Variants in GSAP observed in about 807,000 individuals in gnomAD.
GSAP encodes gamma-secretase activating protein.
A neutral mutation model predicts 131.7 loss-of-function variants in GSAP; 118 were observed. The ratio of observed to expected loss-of-function variants is 0.90; its 90% CI spans 0.77 to 1.04. The LOEUF (loss-of-function observed/expected upper bound fraction) is 1.04. GSAP is among the 50% of genes least tolerant of loss of function. The probability of loss-of-function intolerance (pLI) is 0.00; values close to 1 mark genes in which losing one functional copy is unlikely to be tolerated. For synonymous variants in GSAP, 381 were observed against 363.4 expected, an observed-to-expected ratio of 1.05 and a Z score of -0.55; for missense variants, 1,019 against 1,013.2, an observed-to-expected ratio of 1.01 and a Z score of -0.08.
At chr7:77,394,131 T>C (rs958040189) in intron 5 of GSAP, among the ~76,000 whole-genome samples, 6 of 152,232 alleles carry the variant, frequency 3.9e-5, no homozygotes, top group African/African-American at 1.4e-4. Context: ...AATCCTTTTA[T>C]GAAGCAAGTT....
At chr7:77,412,792 A>T (rs1372420555) in intron 1 of GSAP, among the ~76,000 whole-genome samples, 1 of 152,168 alleles carries the variant, frequency 6.6e-6, no homozygotes, top group Non-Finnish European at 1.5e-5. Flanking sequence ...AAAAAAAAAA[A>T]AAATTAAATT....
intron 16 of GSAP, among the ~76,000 whole-genome samples, chr7:77,354,495 T>C (rs1412012281): frequency 1.3e-5 from 2 of 152,126 alleles, no homozygotes; most frequent in African/African-American, 4.8e-5. Flanking sequence ...AATTACTATA[T>C]CCTTAGAAAT....
chr7:77,360,705 T>C (rs983239059), intron 14 of GSAP, 119 bp downstream of exon 14: 17 of 613,350 alleles, frequency 2.8e-5, no homozygotes, highest in Non-Finnish European at 4.8e-5. Flanking sequence ...GGGTCATTGA[T>C]TGTCATCACA....
At chr7:77,408,971 T>C (rs936029508) in intron 1 of GSAP, among the ~76,000 whole-genome samples, 2 of 152,126 alleles carry the variant, frequency 1.3e-5, no homozygotes, top group African/African-American at 4.8e-5. Flanking sequence ...CACTGAGAAC[T>C]TAGACATCAT....
At chr7:77,395,155 A>G (rs1381585041) in intron 5 of GSAP, among the ~76,000 whole-genome samples, 1 of 149,750 alleles carries the variant, frequency 6.7e-6, no homozygotes, top group Non-Finnish European at 1.5e-5. Context: ...ACAGTCAGGC[A>G]TAGATGGTGA....
At chr7:77,324,394 C>T (rs1788049215) in intron 23 of GSAP, among the ~76,000 whole-genome samples, 1 of 152,168 alleles carries the variant, frequency 6.6e-6, no homozygotes, top group Non-Finnish European at 1.5e-5. Context: ...TTTCTCTCTC[C>T]TCCTCCCTCC....
At chr7:77,402,765 G>A (rs920933619) in intron 3 of GSAP, among the ~76,000 whole-genome samples, 10 of 150,370 alleles carry the variant, frequency 6.7e-5, no homozygotes, top group Admixed American at 2.0e-4. Context: ...TTTGTTTAGC[G>A]ACTACGGTTC....
At chr7:77,362,704 T>C in intron 12 of GSAP, 44 bp from the exon 13 acceptor site, 1 of 1,137,832 alleles carries the variant, frequency 8.8e-7, no homozygotes, top group South Asian at 1.3e-5. Flanking sequence ...AGAATCTATG[T>C]CATAAATAAA....
chr7:77,415,076 A>G (rs1308499808), intron 1 of GSAP, among the ~76,000 whole-genome samples: 4 of 152,076 alleles, frequency 2.6e-5, no homozygotes, highest in Non-Finnish European at 5.9e-5. Flanking sequence ...AAAAAAAGTA[A>G]AGCCTTACTA....
chr7:77,390,055 T>C (rs868810762), intron 5 of GSAP, among the ~76,000 whole-genome samples: 2 of 152,266 alleles, frequency 1.3e-5, no homozygotes, highest in East Asian at 1.9e-4. Flanking sequence ...CATTTTTTCA[T>C]GTGTTTTTTG....
At position 77,404,606 on chromosome 7, in the gene GSAP, C is replaced by G. The variant is rs1157719212; in HGVS notation, c.196G>C (p.Gly66Arg). ...NIIYTYKDDKGNVVFGLYDCQ... is the reference protein window; with the variant it reads ...NIIYTYKDDKRNVVFGLYDCQ... ...TCATATAATCCAAAGACGACATTTC[C>G]CTTATCATCCTAAAAAAAATTAACC... Residue 66 changes from glycine to arginine, a missense_variant, in exon 3 of 31, where the codon GGA (glycine) becomes CGA (arginine). By Grantham distance (125) the Gly-to-Arg change is moderately radical. Transcript: ENST00000257626. 3 of 1,532,106 alleles carry G rather than the reference C, an allele frequency of 2.0e-6. No homozygotes were observed. The highest frequency in any genetic ancestry group is 2.7e-6 in the Non-Finnish European group (3 of 1,108,768). The allele number at this position is 1,532,106 out of a possible 1,614,324, so 94.9% of individuals were successfully genotyped here.
intron 3 of GSAP, 105 bp from the exon 4 acceptor site, chr7:77,397,520 A>G (rs1800618366): frequency 1.6e-6 from 1 of 615,968 alleles, no homozygotes; most frequent in South Asian, 2.2e-5. Context: ...ACTGGGGCAA[A>G]ATATTTTGGT....
intron 8 of GSAP, among the ~76,000 whole-genome samples, chr7:77,378,191 C>T (rs1350811113): frequency 1.3e-5 from 2 of 152,064 alleles, no homozygotes; most frequent in African/African-American, 2.4e-5. Context: ...GTTTGGAAGG[C>T]GGAAAATGGG....
chr7:77,368,671 TC>T (rs1795678434), intron 12 of GSAP, among the ~76,000 whole-genome samples: 1 of 152,234 alleles, frequency 6.6e-6, no homozygotes. Flanking sequence ...GCTTACTAAG[TC>T]TATTGCCTCA....
intron 12 of GSAP, among the ~76,000 whole-genome samples, chr7:77,369,325 T>C (rs1795783022): frequency 6.6e-6 from 1 of 152,176 alleles, no homozygotes; most frequent in African/African-American, 2.4e-5. Context: ...GAAAAATATA[T>C]ATAAACTCAT....
chr7:77,331,084 T>C (rs763368452), intron 19 of GSAP, among the ~76,000 whole-genome samples: 2 of 152,006 alleles, frequency 1.3e-5, no homozygotes, highest in African/African-American at 2.4e-5. Flanking sequence ...GAGGCTGAGG[T>C]GGGCGGATCA....
At chr7:77,350,990 GATAAGTAT>G (rs959184164) in intron 18 of GSAP, 7 of 362,120 alleles carry the variant, frequency 1.9e-5, no homozygotes, top group Non-Finnish European at 3.8e-6. Context: ...AAAAAAAGTA[GATAAGTAT>G]ATAAGAAAAT....
At chr7:77,396,439 C>A (rs1800405906) in intron 5 of GSAP, among the ~76,000 whole-genome samples, 2 of 152,144 alleles carry the variant, frequency 1.3e-5, no homozygotes, top group Admixed American at 6.5e-5. Context: ...CAGTACCATG[C>A]ATAATGCCTG....
intron 12 of GSAP, among the ~76,000 whole-genome samples, chr7:77,373,403 C>T (rs763978344): frequency 3.3e-5 from 5 of 152,178 alleles, no homozygotes; most frequent in Non-Finnish European, 7.3e-5. Context: ...CCAAATGCTA[C>T]TTAACTCAAG....
Sources: allele counts gnomAD v4.1 joint callset (sites outside exome capture counted in the v4.1 genomes callset), GRCh38; gene constraint gnomAD v4.1.1; transcripts MANE v1.5; gene names NCBI Gene and HGNC (gene_info 2026-07-23, HGNC 2026-07-21).